FSHR: variants seen among roughly 807,000 people sequenced by gnomAD.
The protein encoded by FSHR is follicle-stimulating hormone receptor.
A neutral mutation model predicts 52.1 loss-of-function variants in FSHR; 46 were observed. The observed-to-expected ratio is 0.88, with a 90% confidence interval of 0.70 to 1.13. The LOEUF (loss-of-function observed/expected upper bound fraction) is 1.13, where lower values mean the gene tolerates loss of function less well. Among genes scored for constraint, FSHR ranks in the 50% most tolerant of loss-of-function variants. FSHR has a pLI of 0.00. For missense variants in FSHR, 964 were observed against 834.6 expected (o/e 1.16, Z -1.91); for synonymous variants, 399 against 309.6 (o/e 1.29, Z -3.03).
chr2:49,043,616 A>G lies in FSHR; in HGVS notation c.225-23456T>C, dbSNP rs184125361. On this transcript the variant is annotated intron_variant, in intron 2 of 9. Coordinates refer to ENST00000406846, the MANE Select transcript of FSHR (RefSeq NM_000145.4). ...CTGCACTATCAGGACATTGATGGAC[A>G]CATTCCTAGCATCTTGCCTAGAGAA... Among the ~76,000 whole-genome samples, 531 of 152,358 alleles carry G rather than the reference A, an allele frequency of 3.5e-3. 2 individuals are homozygous for G. Among genetic ancestry groups the G allele is most frequent in the Middle Eastern group, 0.034 (10 of 294 alleles).
At chr2:49,119,904 G>A (rs1263670191) in intron 1 of FSHR, among the ~76,000 whole-genome samples, 1 of 152,192 alleles carries the variant, frequency 6.6e-6, no homozygotes, top group Non-Finnish European at 1.5e-5. Flanking sequence ...GTTACCGTGA[G>A]AAATCAATGA....
chr2:49,143,011 T>A (rs1431578555), intron 1 of FSHR, among the ~76,000 whole-genome samples: 2 of 152,180 alleles, frequency 1.3e-5, no homozygotes, highest in African/African-American at 4.8e-5. Flanking sequence ...AGGTTTCAGT[T>A]GAATATTATA....
intron 1 of FSHR, among the ~76,000 whole-genome samples, chr2:49,100,237 A>G (rs1351453562): frequency 6.6e-6 from 1 of 152,096 alleles, no homozygotes; most frequent in Non-Finnish European, 1.5e-5. Flanking sequence ...AGTTCTAGGA[A>G]CATGCTTGCT....
At chr2:49,011,108 T>A (rs1573089209) in intron 4 of FSHR, among the ~76,000 whole-genome samples, 2 of 151,522 alleles carry the variant, frequency 1.3e-5, no homozygotes, top group Non-Finnish European at 2.9e-5. Flanking sequence ...CTAGTTCTTT[T>A]AATTTTGATG....
chr2:48,989,555 A>G (rs1302019310), intron 5 of FSHR, among the ~76,000 whole-genome samples: 2 of 152,212 alleles, frequency 1.3e-5, no homozygotes, highest in Admixed American at 1.3e-4. Context: ...GTACTGGATT[A>G]GAGCCACTGG....
chr2:49,134,589 C>T (rs531516057), intron 1 of FSHR, among the ~76,000 whole-genome samples: 1 of 152,290 alleles, frequency 6.6e-6, no homozygotes, highest in Non-Finnish European at 1.5e-5. Flanking sequence ...GATTATAAAT[C>T]ATACTGCTAT....
chr2:49,045,074 A>G (rs185127521), intron 2 of FSHR, among the ~76,000 whole-genome samples: 10 of 152,374 alleles, frequency 6.6e-5, no homozygotes, highest in Admixed American at 3.9e-4. Context: ...ACAATGACAA[A>G]GGGAATATGA....
chr2:49,103,768 C>T lies in FSHR; in HGVS notation c.153-35478G>A, dbSNP rs187775817. 3.1e-3 allele frequency among the ~76,000 whole-genome samples: 476 copies of T among 152,196 alleles called. 3 individuals are homozygous for T. Among genetic ancestry groups the T allele is most frequent in the African/African-American group, 0.011 (451 of 41,526 alleles). On this transcript the variant is annotated intron_variant, in intron 1 of 9. Coordinates refer to ENST00000406846, the MANE Select transcript of FSHR (RefSeq NM_000145.4). The stretch of plus-strand genomic sequence containing the variant: ...CCTACATAAGGGTCAGGGTTTTCCT[C>T]TCATGATGTTCAGGGATAAGAAAGA...
At position 48,963,380 on chromosome 2, in the gene FSHR, C is replaced by G; in HGVS notation, c.1441G>C (p.Val481Leu). 1 of 1,614,050 alleles carries G rather than the reference C, an allele frequency of 6.2e-7. No individual in the cohort carries two copies. The highest frequency in any genetic ancestry group is 8.5e-7 in the Non-Finnish European group (1 of 1,179,974). ...ITHAMQLDCK[V>L]QLRHAASVMV... The stretch of plus-strand genomic sequence containing the variant: ...ACACTGGCAGCATGGCGGAGCTGCA[C>G]CTTGCAGTCCAGCTGCATGGCATGC... The change falls in exon 10 of 10, where the codon GTG becomes CTG. Residue 481 changes from valine to leucine, a missense_variant. By Grantham distance (32) the Val-to-Leu change is conservative. Coordinates refer to ENST00000406846, the MANE Select transcript of FSHR (RefSeq NM_000145.4).
At chr2:49,040,312 G>A (rs1156853487) in intron 2 of FSHR, among the ~76,000 whole-genome samples, 1 of 152,110 alleles carries the variant, frequency 6.6e-6, no homozygotes, top group East Asian at 1.9e-4. Context: ...CCTCAGACTG[G>A]GGAGTGGGCT....
chr2:49,070,010 T>G (rs1669671129), intron 1 of FSHR, among the ~76,000 whole-genome samples: 1 of 152,190 alleles, frequency 6.6e-6, no homozygotes, highest in South Asian at 2.1e-4. Context: ...TGTTTGTGCT[T>G]GGCTGCTAGG....
At chr2:49,049,131 G>T (rs1668765573) in intron 2 of FSHR, among the ~76,000 whole-genome samples, 1 of 151,688 alleles carries the variant, frequency 6.6e-6, no homozygotes, top group African/African-American at 2.4e-5. Flanking sequence ...CGAGTATTAT[G>T]CTGCCTTAAT....
intron 1 of FSHR, among the ~76,000 whole-genome samples, chr2:49,116,504 T>C (rs966797969): frequency 3.3e-5 from 5 of 152,144 alleles, no homozygotes; most frequent in Admixed American, 2.6e-4. Context: ...AGAATAAAAA[T>C]AGGACTTCCT....
chr2:49,067,343 C>T (rs145468656), intron 2 of FSHR, among the ~76,000 whole-genome samples: 1 of 152,148 alleles, frequency 6.6e-6, no homozygotes, highest in African/African-American at 2.4e-5. Context: ...AAGTACTATT[C>T]TTAAAGGGAT....
At chr2:49,113,397 G>C (rs570893290) in intron 1 of FSHR, among the ~76,000 whole-genome samples, 1 of 152,272 alleles carries the variant, frequency 6.6e-6, no homozygotes, top group African/African-American at 2.4e-5. Context: ...TAGATCCTTG[G>C]TGCAGGAATT....
At chr2:49,141,041 C>T (rs1223085394) in intron 1 of FSHR, among the ~76,000 whole-genome samples, 2 of 152,172 alleles carry the variant, frequency 1.3e-5, no homozygotes, top group Non-Finnish European at 2.9e-5. Flanking sequence ...AAGTTGGAGC[C>T]AGCCCTGATA....
chr2:49,111,048 G>A (rs189113775), intron 1 of FSHR, among the ~76,000 whole-genome samples: 41 of 152,218 alleles, frequency 2.7e-4, no homozygotes, highest in African/African-American at 9.1e-4. Context: ...TATGGCCTGT[G>A]GCCATGTGGC....
At position 49,021,874 on chromosome 2, in the gene FSHR, TATATATATATATAGAGAGAGAGAG is replaced by T. The variant is rs1258638576; in HGVS notation, c.225-1738_225-1715del. ...CTCTCTCTCTCTCTCTATATATATATATATATATATATAGAGAGAGAGAGAGAGAGAGAGAGAGAGAGAGAGAAT... is the reference window on the plus strand; with the variant it reads ...CTCTCTCTCTCTCTCTATATATATATAGAGAGAGAGAGAGAGAGAGAGAAT... On this transcript the variant is annotated intron_variant, in intron 2 of 9. Transcript: ENST00000406846. Among the ~76,000 whole-genome samples the T allele has an allele frequency of 4.0e-3, 228 of 56,768 alleles. 3 individuals are homozygous for T. The highest frequency in any genetic ancestry group is 5.5e-3 in the Admixed American group (25 of 4,510). 37.2% of individuals were successfully genotyped at this position (56,768 alleles called of 152,430 possible).
chr2:49,096,678 T>C (rs1482682270), intron 1 of FSHR, among the ~76,000 whole-genome samples: 2 of 152,198 alleles, frequency 1.3e-5, no homozygotes, highest in Non-Finnish European at 2.9e-5. Flanking sequence ...CTGGCAACCA[T>C]GGTGATATAG....
Sources: allele counts gnomAD v4.1 joint callset (sites outside exome capture counted in the v4.1 genomes callset), GRCh38; gene constraint gnomAD v4.1.1; transcripts MANE v1.5; gene names NCBI Gene and HGNC (gene_info 2026-07-23, HGNC 2026-07-21).